Variants in RORA observed in about 807,000 individuals in gnomAD.
RORA encodes RAR related orphan receptor A, also known as nuclear receptor ROR-alpha.
A neutral mutation model predicts 69.5 loss-of-function variants in RORA; 7 were observed. That is an observed-to-expected ratio of 0.10 (90% CI 0.06 to 0.19). The LOEUF (loss-of-function observed/expected upper bound fraction) is 0.19, where lower values mean the gene tolerates loss of function less well. RORA is among the 10% of genes least tolerant of loss of function. The pLI is 1.00. For synonymous variants in RORA, 261 were observed against 240.8 expected, an observed-to-expected ratio of 1.08 and a Z score of -0.78; for missense variants, 457 against 663.0, an observed-to-expected ratio of 0.69 and a Z score of 3.41.
chr15:61,110,864 G>A (rs1211543875), intron 1 of RORA, among the ~76,000 whole-genome samples: 3 of 152,144 alleles, frequency 2.0e-5, no homozygotes, highest in Non-Finnish European at 2.9e-5. Context: ...CTCATACACC[G>A]CACGCCCTGC....
rs147172045 is a variant in RORA, at chr15:61,100,944, G to A, written c.166+128109C>T. 2.3e-3 allele frequency among the ~76,000 whole-genome samples: 355 copies of A among 152,332 alleles called. 1 individual carries two copies. The highest frequency in any genetic ancestry group is 8.1e-3 in the African/African-American group (336 of 41,580). On this transcript the variant is annotated intron_variant, in intron 1 of 10. Coordinates refer to ENST00000335670, the MANE Select transcript of RORA (RefSeq NM_134261.3). ...AGACCACCCTGTATATAACTCTGTT[G>A]TAACACTTATTCTACTGTGTGGATT...
intron 2 of RORA, among the ~76,000 whole-genome samples, chr15:60,662,651 T>TA (rs2140720493): frequency 3.1e-3 from 1 of 318 alleles, no homozygotes; most frequent in East Asian, 0.1. Context: ...GAAAAAAACA[T>TA]TTTTTTTTCT....
intron 1 of RORA, among the ~76,000 whole-genome samples, chr15:60,744,408 T>C (rs2071619581): frequency 1.3e-5 from 2 of 152,148 alleles, no homozygotes; most frequent in Non-Finnish European, 2.9e-5. Context: ...CAGACTCCCA[T>C]ACCCATGTAG....
intron 2 of RORA, among the ~76,000 whole-genome samples, chr15:60,672,786 C>T (rs949876236): frequency 2.0e-5 from 3 of 152,180 alleles, no homozygotes; most frequent in Admixed American, 6.5e-5. Flanking sequence ...CACAATGCTT[C>T]GAATATTCAG....
intron 2 of RORA, among the ~76,000 whole-genome samples, chr15:60,657,302 C>T (rs2070235657): frequency 6.6e-6 from 1 of 152,080 alleles, no homozygotes; most frequent in African/African-American, 2.4e-5. Context: ...CTTGGTGGGT[C>T]TAACTGTAGC....
In RORA at chr15:60,536,125, G is replaced by A. The variant is rs372021404; in HGVS notation, c.197-4274C>T. ...TAACCCTAAAATGACCAATGTCAACGTTTGACAGTTCTTAAGGCCGGGCAG... is the reference window on the plus strand; with the variant it reads ...TAACCCTAAAATGACCAATGTCAACATTTGACAGTTCTTAAGGCCGGGCAG... On this transcript the variant is annotated intron_variant, in intron 2 of 10. Coordinates refer to ENST00000335670, the MANE Select transcript of RORA (RefSeq NM_134261.3). Among the ~76,000 whole-genome samples the A allele has an allele frequency of 2.1e-3, 324 of 152,224 alleles. 1 individual carries two copies. The highest frequency in any genetic ancestry group is 7.2e-3 in the African/African-American group (301 of 41,538).
intron 2 of RORA, among the ~76,000 whole-genome samples, chr15:60,617,659 CAG>C (rs10594406): frequency 0.018 from 2,569 of 141,328 alleles, 34 homozygotes; most frequent in African/African-American, 0.044. Context: ...CACATACAGA[CAG>C]AGAGAGAGAG....
At chr15:60,919,445 C>A (rs930975824) in intron 1 of RORA, among the ~76,000 whole-genome samples, 3 of 152,168 alleles carry the variant, frequency 2.0e-5, no homozygotes, top group African/African-American at 7.2e-5. Context: ...TAATGCAATT[C>A]CTTCATGAGG....
intron 1 of RORA, among the ~76,000 whole-genome samples, chr15:61,087,124 T>G (rs1365178218): frequency 6.6e-6 from 1 of 152,132 alleles, no homozygotes; most frequent in Non-Finnish European, 1.5e-5. Context: ...TGAGCTATGA[T>G]TGCACCTGGG....
At chr15:60,628,446 G>C (rs1022104962) in intron 2 of RORA, among the ~76,000 whole-genome samples, 11 of 152,140 alleles carry the variant, frequency 7.2e-5, no homozygotes, top group African/African-American at 2.2e-4. Context: ...AATCGCTGCT[G>C]CCTCAAACTC....
chr15:61,203,918 G>A (rs964231010), intron 1 of RORA, among the ~76,000 whole-genome samples: 1 of 152,248 alleles, frequency 6.6e-6, no homozygotes, highest in African/African-American at 2.4e-5. Context: ...ACAATGTGGA[G>A]AATGAGTTTT....
chr15:61,094,115 A>G (rs953625455), intron 1 of RORA, among the ~76,000 whole-genome samples: 4 of 152,186 alleles, frequency 2.6e-5, no homozygotes, highest in Admixed American at 2.6e-4. Flanking sequence ...ATTCATTAGA[A>G]AGACTTAGCC....
intron 1 of RORA, among the ~76,000 whole-genome samples, chr15:61,062,344 A>C (rs1288379668): frequency 6.6e-6 from 1 of 152,152 alleles, no homozygotes; most frequent in Non-Finnish European, 1.5e-5. Context: ...CCCTAGCCTC[A>C]GCCACCCTCT....
At chr15:60,560,474 A>T (rs1420889145) in intron 2 of RORA, among the ~76,000 whole-genome samples, 2 of 152,078 alleles carry the variant, frequency 1.3e-5, no homozygotes. Context: ...TGAGAGGATC[A>T]CTTGAGCTCA....
At chr15:61,135,300 C>T (rs2079226908) in intron 1 of RORA, among the ~76,000 whole-genome samples, 1 of 151,944 alleles carries the variant, frequency 6.6e-6, no homozygotes, top group African/African-American at 2.4e-5. Flanking sequence ...CACCACACTC[C>T]AGCCTGCGCT....
At chr15:60,822,423 C>T (rs1021839609) in intron 1 of RORA, among the ~76,000 whole-genome samples, 3 of 152,206 alleles carry the variant, frequency 2.0e-5, no homozygotes, top group Admixed American at 1.3e-4. Context: ...CAGGTACAGA[C>T]AGTCCAACCG....
At position 60,749,569 on chromosome 15, in the gene RORA, A is replaced by G. The variant is rs2071694654; in HGVS notation, c.167-70883T>C. On this transcript the variant is annotated intron_variant, in intron 1 of 10. Transcript: ENST00000335670. ...ATTAATGGACTAAACTTTGTGGGAA[A>G]AAGTAAATGCAAACCAGAATTGCCC... is the stretch of plus-strand genomic sequence containing the variant. Among the ~76,000 whole-genome samples, 3 of 152,224 alleles carry G rather than the reference A, an allele frequency of 2.0e-5. No individual in the cohort carries two copies. In the South Asian group the frequency reaches 6.2e-4, roughly 32 times the overall value.
chr15:61,073,000 G>T (rs1027160180), intron 1 of RORA, among the ~76,000 whole-genome samples: 7 of 152,226 alleles, frequency 4.6e-5, no homozygotes, highest in African/African-American at 1.7e-4. Context: ...ACCTAAGGTA[G>T]TTTTGCACCA....
chr15:61,082,256 C>T (rs181672444), intron 1 of RORA, among the ~76,000 whole-genome samples: 149 of 152,208 alleles, frequency 9.8e-4, no homozygotes, highest in African/African-American at 3.5e-3. Context: ...TGGGAGGCCG[C>T]GGCGGGCGAA....
Sources: allele counts gnomAD v4.1 joint callset (sites outside exome capture counted in the v4.1 genomes callset), GRCh38; gene constraint gnomAD v4.1.1; transcripts MANE v1.5; gene names NCBI Gene and HGNC (gene_info 2026-07-23, HGNC 2026-07-21).